PTX4: variants seen among roughly 807,000 people sequenced by gnomAD.
PTX4 encodes the protein pentraxin 4.
PTX4 carries 23 observed loss-of-function variants against 19.1 expected under a neutral mutation model. The ratio of observed to expected loss-of-function variants is 1.20; its 90% CI spans 0.87 to 1.70. The LOEUF (loss-of-function observed/expected upper bound fraction) is 1.70, where lower values mean the gene tolerates loss of function less well. Ranked by LOEUF, PTX4 falls within the 40% of genes most tolerant of loss-of-function variation. The pLI is 0.00. For synonymous variants in PTX4, 317 were observed against 279.6 expected (o/e 1.13, Z -1.33); for missense variants, 678 against 610.5 (o/e 1.11, Z -1.17).
chr16:1,487,408 T>C lies in PTX4; in HGVS notation c.704A>G (p.Glu235Gly), dbSNP rs892862417. 3.3e-6 allele frequency: 5 copies of C among 1,534,220 alleles called. No homozygotes were observed. Among genetic ancestry groups the C allele is most frequent in the Non-Finnish European group, 4.4e-6 (5 of 1,147,388 alleles). Reference protein sequence around the residue: ...DSSAPLQGRREPPASGSHRVL... With the variant: ...DSSAPLQGRRGPPASGSHRVL... ...CCGATGGCTGCCTGAGGCTGGAGGCTCCCGCCTCCCTTGGAGAGGGGCCGA... is the reference window on the plus strand; with the variant it reads ...CCGATGGCTGCCTGAGGCTGGAGGCCCCCGCCTCCCTTGGAGAGGGGCCGA... Residue 235 changes from glutamate to glycine, a missense_variant, in exon 2 of 3, where the codon GAG (glutamate) becomes GGG (glycine). Physicochemically the swap from Glu to Gly is moderately conservative, Grantham distance 98 (BLOSUM62 -2). Transcript: ENST00000447419.
At chr16:1,486,683 C>A in intron 2 of PTX4, 104 bp from the exon 3 acceptor site, 2 of 1,226,238 alleles carry the variant, frequency 1.6e-6, no homozygotes, top group East Asian at 2.6e-5. Context: ...CGGCTGCCAC[C>A]CTTCACGGAG....
At chr16:1,488,009 C>T (rs767385062) in intron 1 of PTX4, 39 bp from the exon 2 acceptor site, 52 of 1,438,604 alleles carry the variant, frequency 3.6e-5, no homozygotes, top group East Asian at 1.9e-4. Flanking sequence ...CGGGCCGGGC[C>T]GGGCCGGCTG....
rs748862923 is a variant in PTX4, at chr16:1,486,515, G to T, written c.861C>A (p.Ser287Arg). 3.1e-6 allele frequency: 5 copies of T among 1,595,828 alleles called. No homozygotes were observed. The highest frequency in any genetic ancestry group is 8.5e-7 in the Non-Finnish European group (1 of 1,172,596). Residue 287 changes from serine to arginine, a missense_variant, in exon 3 of 3, where the codon AGC (serine) becomes AGA (arginine). By Grantham distance (110) the Ser-to-Arg change is moderately radical. Transcript: ENST00000447419. ...CTCGCAGGGCAGTGACGAAACCAGGGCTGAGGAAGACCACGTTCCTGGTGG... is the reference window on the plus strand; with the variant it reads ...CTCGCAGGGCAGTGACGAAACCAGGTCTGAGGAAGACCACGTTCCTGGTGG... ...NASTRNVVFLSPGFVTALRAL... is the reference protein window; with the variant it reads ...NASTRNVVFLRPGFVTALRAL...
Position 1,487,106 on chromosome 16 carries a change from C to T in PTX4, c.796+210G>A, listed in dbSNP as rs373245297. On this transcript the variant is annotated intron_variant, in intron 2 of 2. Transcript: ENST00000447419. ...GTGCATCCCGCCACCTCTGCTTCTG[C>T]CCTCACGCCCTCCTCTGACTGTGTT... 1.8e-4 allele frequency among the ~76,000 whole-genome samples: 27 copies of T among 152,326 alleles called. No homozygotes were observed. In the East Asian group the frequency reaches 5.0e-3, roughly 28 times the overall value.
In PTX4 at chr16:1,487,604, CA is replaced by C. The variant is rs1226091991; in HGVS notation, c.507del (p.Ala170LeufsTer35). 1 of 1,568,778 alleles carries C rather than the reference CA, an allele frequency of 6.4e-7. No homozygotes were observed. The highest frequency in any genetic ancestry group is 8.7e-7 in the Non-Finnish European group (1 of 1,155,708). On this transcript the variant is annotated frameshift_variant, in exon 2 of 3. Transcript: ENST00000447419. LOFTEE classifies it high-confidence loss of function. The part of the protein sequence containing the change: ...GLVHSQGARL[A>X]ALEGRLPVAH... ...GCCACGGGCAGCCGCCCCTCCAGAGCAGCCAGCCTGGCGCCCTGGCTGTGGA... is the reference window on the plus strand; with the variant it reads ...GCCACGGGCAGCCGCCCCTCCAGAGCGCCAGCCTGGCGCCCTGGCTGTGGA...
In PTX4 at chr16:1,487,751, G is replaced by A. The variant is rs376487511; in HGVS notation, c.361C>T (p.Arg121Trp). ...AGGGTGAGGTCCAAGGCCCGCAGCC[G>A]CGTGTCTACTTTCCGGCCTCGGCGC... Reference protein sequence around the residue: ...LQRRGRKVDTRLRALDLTLGE... With the variant: ...LQRRGRKVDTWLRALDLTLGE... The change falls in exon 2 of 3, where the codon CGG becomes TGG. Residue 121 changes from arginine to tryptophan, a missense_variant. Coordinates refer to ENST00000447419, the MANE Select transcript of PTX4 (RefSeq NM_001328608.2). 178 of 1,612,684 alleles carry A rather than the reference G, an allele frequency of 1.1e-4. No homozygotes were observed. The highest frequency in any genetic ancestry group is 1.6e-4 in the East Asian group (7 of 44,896).
In PTX4 at chr16:1,485,920, G is replaced by GC; in HGVS notation, c.*18dup. 6.3e-7 allele frequency: 1 copy of GC among 1,584,218 alleles called. No individual in the cohort carries two copies. Among genetic ancestry groups the GC allele is most frequent in the South Asian group, 1.1e-5 (1 of 89,716 alleles). ...GGGCATGCTGCCCTTGCTGGCCTCA[G>GC]CCCCCGTGCGGCTCGGCCTCAGGGA... On this transcript the variant is annotated 3_prime_UTR_variant, in exon 3 of 3. Transcript: ENST00000447419.
In PTX4 at chr16:1,487,734, G is replaced by A. The variant is rs112505068; in HGVS notation, c.378C>T (p.Asp126=). 6.2e-7 allele frequency: 1 copy of A among 1,612,612 alleles called. No homozygotes were observed. The highest frequency in any genetic ancestry group is 1.7e-5 in the Admixed American group (1 of 60,008). Residue 126 remains aspartate, a synonymous_variant, in exon 2 of 3, where the codon GAC becomes GAT. Coordinates refer to ENST00000447419, the MANE Select transcript of PTX4 (RefSeq NM_001328608.2). ...GCTGGCTCCTCTCGCCCAGGGTGAG[G>A]TCCAAGGCCCGCAGCCGCGTGTCTA... The part of the protein sequence containing the change: ...RKVDTRLRAL[D]LTLGERSQQR...
chr16:1,486,342 G>C lies in PTX4; in HGVS notation c.1034C>G (p.Pro345Arg), dbSNP rs759309326. 3.1e-6 allele frequency: 5 copies of C among 1,613,844 alleles called. No homozygotes were observed. The highest frequency in any genetic ancestry group is 3.4e-6 in the Non-Finnish European group (4 of 1,179,976). Residue 345 changes from proline (P) to arginine (R), a missense_variant, in exon 3 of 3, where the codon CCG becomes CGG. Pro to Arg is a moderately radical substitution (Grantham distance 103, BLOSUM62 -2). Coordinates refer to ENST00000447419, the MANE Select transcript of PTX4 (RefSeq NM_001328608.2). The stretch of plus-strand genomic sequence containing the variant: ...CTGCAAGGGCAGCTCCCTGAAGGCC[G>C]GGTCCCCGATCACGAAGTGGATGGA... ...PGSIHFVIGD[P>R]AFRELPLQLL...
intron 2 of PTX4, 40 bp downstream of exon 2, chr16:1,487,276 A>C: frequency 6.8e-7 from 1 of 1,475,220 alleles, no homozygotes; most frequent in Non-Finnish European, 9.0e-7. Flanking sequence ...GAGGAGCTGG[A>C]GGGAAGCCTG....
rs767847539 is a variant in PTX4 at position 1,487,532 on chromosome 16, T to C, written c.580A>G (p.Thr194Ala). 1.3e-5 allele frequency: 19 copies of C among 1,515,850 alleles called. No individual in the cohort carries two copies. Among genetic ancestry groups the C allele is most frequent in the Middle Eastern group, 2.1e-4 (1 of 4,736 alleles). 93.9% of individuals were successfully genotyped at this position (1,515,850 alleles called of 1,614,324 possible). A position where few individuals can be genotyped will look rare whatever the true frequency, so the allele number is the denominator to read the frequency against. ...ALGPALVPTP[T>A]QPEELGPTSL... ...GTCGGGCCCAGCTCCTCAGGCTGGG[T>C]TGGGGTTGGGACCAGGGCCGGCCCG... is the stretch of plus-strand genomic sequence containing the variant. Residue 194 changes from threonine (T) to alanine (A), a missense_variant, in exon 2 of 3, where the codon ACC becomes GCC. Thr to Ala is a moderately conservative substitution (Grantham distance 58, BLOSUM62 0). Coordinates refer to ENST00000447419, the MANE Select transcript of PTX4 (RefSeq NM_001328608.2).
intron 1 of PTX4, chr16:1,488,428 C>G (rs753236158): frequency 6.2e-7 from 1 of 1,613,838 alleles, no homozygotes; most frequent in Non-Finnish European, 8.5e-7. Flanking sequence ...CACCGACTGC[C>G]ACAAGGTGGA....
In PTX4 at chr16:1,487,801, A is replaced by G. The variant is rs982751715; in HGVS notation, c.311T>C (p.Leu104Pro). 2 of 1,612,968 alleles carry G rather than the reference A, an allele frequency of 1.2e-6. No homozygotes were observed. The highest frequency in any genetic ancestry group is 1.7e-6 in the Non-Finnish European group (2 of 1,179,840). ...CTGCAGCTTCCTCACCCAGGCCTTG[A>G]GCTGCGCCAGCTCCCCCTGCACCGA... ...QASVQGELAQ[L>P]KAWVRKLQRR... The change falls in exon 2 of 3, where the codon CTC (leucine) becomes CCC (proline). Residue 104 changes from leucine to proline, a missense_variant. Leu to Pro is a moderately conservative substitution (Grantham distance 98, BLOSUM62 -3). Coordinates refer to ENST00000447419, the MANE Select transcript of PTX4 (RefSeq NM_001328608.2).
Position 1,486,269 on chromosome 16 carries a change from G to A in PTX4, c.1107C>T (p.Ser369=). The change falls in exon 3 of 3, where the codon TCC becomes TCT. Residue 369 remains serine, a synonymous_variant. Coordinates refer to ENST00000447419, the MANE Select transcript of PTX4 (RefSeq NM_001328608.2). ...CGTGGAGCCAGTACCTGCCCTGGGT[G>A]GACGTCCAGATGACACAGATGTGGT... ...QWHHICVIWT[S]TQGRYWLHVD... is the part of the protein sequence containing the mutation. The A allele has an allele frequency of 6.2e-7, 1 of 1,613,124 alleles. No individual in the cohort carries two copies. Among genetic ancestry groups the A allele is most frequent in the South Asian group, 1.1e-5 (1 of 90,974 alleles).
intron 2 of PTX4, 104 bp downstream of exon 2, chr16:1,487,212 C>G: frequency 8.7e-7 from 1 of 1,151,218 alleles, no homozygotes; most frequent in Non-Finnish European, 1.2e-6. Context: ...CCCCATCTCC[C>G]GGCCCCTAAC....
At position 1,486,076 on chromosome 16, in the gene PTX4, G is replaced by A; in HGVS notation, c.1300C>T (p.Leu434=). ...AGGTTTGCAACTTCCCCGGGAACCA[G>A]CGCCCGATCCCAGATAGCCAAGCCA... ...MSGLAIWDRA[L]VPGEVANLAI... is the part of the protein sequence containing the mutation. The change falls in exon 3 of 3, where the codon CTG becomes TTG. Residue 434 remains leucine, a synonymous_variant. Transcript: ENST00000447419. 6.2e-7 allele frequency: 1 copy of A among 1,614,194 alleles called. No individual in the cohort carries two copies. The highest frequency in any genetic ancestry group is 8.5e-7 in the Non-Finnish European group (1 of 1,180,028).
At chr16:1,488,105 C>T in intron 1 of PTX4, 135 bp from the exon 2 acceptor site, 11 of 1,065,064 alleles carry the variant, frequency 1.0e-5, no homozygotes, top group South Asian at 3.1e-5. Flanking sequence ...ATCTGCCCAC[C>T]GATTTGATCC....
At position 1,487,602 on chromosome 16, in the gene PTX4, A is replaced by G. The variant is rs1295646013; in HGVS notation, c.510T>C (p.Ala170=). 1.3e-6 allele frequency: 2 copies of G among 1,567,374 alleles called. No homozygotes were observed. The highest frequency in any genetic ancestry group is 8.7e-7 in the Non-Finnish European group (1 of 1,155,070). ...GGGCCACGGGCAGCCGCCCCTCCAG[A>G]GCAGCCAGCCTGGCGCCCTGGCTGT... is the stretch of plus-strand genomic sequence containing the variant. ...LVHSQGARLA[A]LEGRLPVAHP... Residue 170 remains alanine (A), a synonymous_variant, in exon 2 of 3, where the codon GCT becomes GCC. Coordinates refer to ENST00000447419, the MANE Select transcript of PTX4 (RefSeq NM_001328608.2).
In PTX4 at chr16:1,487,988, T is replaced by C; in HGVS notation, c.142-18A>G. ...CTCCGGAACTGTAAGGAGGACACGG[T>C]GATGATGGGGCGGGCCGGGCCGGGC... is the stretch of plus-strand genomic sequence containing the variant. On this transcript the variant is annotated intron_variant, in intron 1 of 2. Coordinates refer to ENST00000447419, the MANE Select transcript of PTX4 (RefSeq NM_001328608.2). The C allele has an allele frequency of 6.5e-7, 1 of 1,550,076 alleles. No individual in the cohort carries two copies. Among genetic ancestry groups the C allele is most frequent in the East Asian group, 2.3e-5 (1 of 43,764 alleles).
Sources: allele counts gnomAD v4.1 joint callset (sites outside exome capture counted in the v4.1 genomes callset), GRCh38; gene constraint gnomAD v4.1.1; transcripts MANE v1.5; gene names NCBI Gene and HGNC (gene_info 2026-07-23, HGNC 2026-07-21).